The following ABR variants were observed in gnomAD, a reference collection of about 807,000 sequenced individuals.
ABR encodes the protein active breakpoint cluster region-related protein.
ABR carries 35 observed loss-of-function variants against 107.2 expected under a neutral mutation model. The observed-to-expected ratio is 0.33, with a 90% CI of 0.25 to 0.43. The LOEUF (loss-of-function observed/expected upper bound fraction) is 0.43, where lower values mean the gene tolerates loss of function less well. ABR is among the 20% of genes least tolerant of loss of function. The pLI, the probability that ABR is intolerant of heterozygous loss-of-function variation, is 1.00. For synonymous variants in ABR, 498 were observed against 462.0 expected, an observed-to-expected ratio of 1.08 and a Z score of -1.00; for missense variants, 815 against 1,115.2, an observed-to-expected ratio of 0.73 and a Z score of 3.83.
Position 1,079,396 on chromosome 17 carries a change from A to G in ABR, c.640-6T>C. The G allele has an allele frequency of 1.2e-6, 2 of 1,612,396 alleles. No homozygotes were observed. The highest frequency in any genetic ancestry group is 1.1e-5 in the South Asian group (1 of 90,762). On this transcript the variant is annotated splice_region_variant and splice_polypyrimidine_tract_variant and intron_variant, in intron 5 of 22. Coordinates refer to ENST00000302538, the MANE Select transcript of ABR (RefSeq NM_021962.5). ...GGACCTTTCACTTTGAGTTCCTGCC[A>G]AAGGGAGGAGAGGAGTCATGGCCTG... is the stretch of plus-strand genomic sequence containing the variant.
chr17:1,098,935 G>T (rs776381098), intron 3 of ABR, among the ~76,000 whole-genome samples: 1 of 151,342 alleles, frequency 6.6e-6, no homozygotes, highest in Admixed American at 6.6e-5. Context: ...ACAGGGGCCC[G>T]CCACCACGCC....
At chr17:1,169,984 G>C (rs941872930) in intron 1 of ABR, among the ~76,000 whole-genome samples, 4 of 127,476 alleles carry the variant, frequency 3.1e-5, no homozygotes, top group East Asian at 5.1e-4. Context: ...GTGTGTTTGT[G>C]TTTGTGTTTG....
Position 1,144,325 on chromosome 17 carries a change from GGC to G in ABR, c.62-18960_62-18959del. ...TAAGCTATCACACACCAGATGCAGGGGCGGGCACAGACTCCAGCACCCCCAGC... is the reference window on the plus strand; with the variant it reads ...TAAGCTATCACACACCAGATGCAGGGGGGCACAGACTCCAGCACCCCCAGC... On this transcript the variant is annotated intron_variant, in intron 1 of 22. Transcript: ENST00000302538. Among the ~76,000 whole-genome samples, 2 of 152,130 alleles carry G rather than the reference GGC, an allele frequency of 1.3e-5. 1 individual carries two copies.
chr17:1,038,798 A>G (rs2073393113), intron 16 of ABR, among the ~76,000 whole-genome samples: 2 of 152,240 alleles, frequency 1.3e-5, no homozygotes, highest in Admixed American at 1.3e-4. Context: ...CCCTAACTCA[A>G]GAAATTCTCT....
chr17:1,110,623 C>T (rs942952231), intron 2 of ABR, among the ~76,000 whole-genome samples: 1 of 152,228 alleles, frequency 6.6e-6, no homozygotes, highest in African/African-American at 2.4e-5. Flanking sequence ...CCACTCCCCC[C>T]AGAATTCTTC....
rs761987429 is a variant in ABR, at chr17:1,050,033, C to T, written c.1791+17G>A. On this transcript the variant is annotated intron_variant, in intron 16 of 22. Coordinates refer to ENST00000302538, the MANE Select transcript of ABR (RefSeq NM_021962.5). The surrounding 1 kb of genome is among the most constrained non-coding windows in gnomAD (Gnocchi z 4.6). ...CCTGGAGGCTCCCTCAGCCTCGCCCCGGCGCCCTGGCCTCACCTGGATCTG... is the reference window on the plus strand; with the variant it reads ...CCTGGAGGCTCCCTCAGCCTCGCCCTGGCGCCCTGGCCTCACCTGGATCTG... The T allele has an allele frequency of 1.4e-5, 23 of 1,610,144 alleles. No homozygotes were observed. Among genetic ancestry groups the T allele is most frequent in the East Asian group, 6.7e-5 (3 of 44,840 alleles).
intron 1 of ABR, among the ~76,000 whole-genome samples, chr17:1,195,121 C>A (rs1212783333): frequency 1.4e-5 from 2 of 143,222 alleles, no homozygotes; most frequent in Non-Finnish European, 3.1e-5. Context: ...TCCTGGCTAA[C>A]ACGGTGAAAC....
upstream of ABR, among the ~76,000 whole-genome samples, chr17:1,180,490 C>T (rs113849969): frequency 4.1e-4 from 63 of 152,254 alleles, no homozygotes; most frequent in Admixed American, 1.2e-3. Flanking sequence ...CGGCCGTTCC[C>T]GCCACACATG....
intron 1 of ABR, among the ~76,000 whole-genome samples, chr17:1,173,695 G>A (rs779109863): frequency 4.6e-5 from 7 of 152,094 alleles, no homozygotes; most frequent in Admixed American, 1.3e-4. Context: ...CCAAGAACTC[G>A]AGTTTTCTTT....
At chr17:1,079,208 C>A in intron 6 of ABR, 122 bp downstream of exon 6, 1 of 1,498,062 alleles carries the variant, frequency 6.7e-7, no homozygotes, top group South Asian at 1.3e-5. Context: ...CACACACGCT[C>A]ACGCTCACAC....
chr17:1,158,033 A>G (rs141180233), intron 1 of ABR, among the ~76,000 whole-genome samples: 44 of 152,298 alleles, frequency 2.9e-4, no homozygotes, highest in African/African-American at 9.9e-4. Context: ...ATGATTTTCC[A>G]CTATGGATTC....
At chr17:1,100,032 A>G (rs1285190201) in intron 3 of ABR, among the ~76,000 whole-genome samples, 1 of 151,820 alleles carries the variant, frequency 6.6e-6, no homozygotes, top group African/African-American at 2.4e-5. Context: ...AGGCTGAGGC[A>G]GGAGAATCAC....
At chr17:1,173,018 C>G (rs376119448) in intron 1 of ABR, among the ~76,000 whole-genome samples, 2 of 111,142 alleles carry the variant, frequency 1.8e-5, no homozygotes, top group African/African-American at 6.0e-5. Context: ...CTCAGTCCAC[C>G]CAACACATCA....
At chr17:1,022,532 G>T in intron 16 of ABR, 1 of 154,592 alleles carries the variant, frequency 6.5e-6, no homozygotes, top group Admixed American at 6.5e-5. Flanking sequence ...TGACTGCTCC[G>T]AGCGACTCCG....
At position 1,091,646 on chromosome 17, in the gene ABR, C is replaced by A. The variant is rs139925792; in HGVS notation, c.531+19G>T. On this transcript the variant is annotated intron_variant, in intron 4 of 22. Transcript: ENST00000302538. ...CACTGAGGCCCTGCGTGAGGACCCT[C>A]CATCCCTGGCAGACTCACCAGCTTC... 1,854 of 1,608,126 alleles carry A rather than the reference C, an allele frequency of 1.2e-3. 8 individuals are homozygous for A. In the Middle Eastern group the frequency reaches 0.015, roughly 13 times the overall value.
At chr17:1,132,522 G>A (rs564299347) in intron 1 of ABR, among the ~76,000 whole-genome samples, 1 of 152,028 alleles carries the variant, frequency 6.6e-6, no homozygotes, top group African/African-American at 2.4e-5. Context: ...GGGATTATAG[G>A]CATGCACCAC....
At chr17:1,125,770 TG>T (rs889835288) in intron 1 of ABR, 20 of 241,928 alleles carry the variant, frequency 8.3e-5, no homozygotes, top group East Asian at 4.2e-4. Flanking sequence ...AATAAGGAGG[TG>T]GGGGGGGCCG....
At chr17:1,017,056 G>A (rs948439128) in intron 16 of ABR, among the ~76,000 whole-genome samples, 2 of 152,146 alleles carry the variant, frequency 1.3e-5, no homozygotes, top group African/African-American at 4.8e-5. Flanking sequence ...CCTGCCCAGA[G>A]AAGGGATGGA....
At chr17:1,226,023 C>T (rs545105402) in intron 1 of ABR, among the ~76,000 whole-genome samples, 191 of 152,274 alleles carry the variant, frequency 1.3e-3, no homozygotes, top group Admixed American at 4.1e-3. Context: ...AGTCCAAAAA[C>T]AGAATAATAC....
Sources: gnomAD v4.1 joint callset for allele counts (sites outside exome capture counted in the v4.1 genomes callset) on GRCh38, gnomAD v4.1.1 for gene constraint, Gnocchi (gnomAD v3.1) non-coding constraint, MANE v1.5 for transcripts, NCBI Gene and HGNC (gene_info 2026-07-23, HGNC 2026-07-21) for gene names.